MAML3: variants seen among roughly 807,000 people sequenced by gnomAD.
MAML3 encodes the protein mastermind like transcriptional coactivator 3.
A neutral mutation model predicts 101.9 loss-of-function variants in MAML3; 27 were observed. That is an observed-to-expected ratio of 0.27 (90% CI 0.20 to 0.37). The LOEUF (loss-of-function observed/expected upper bound fraction) is 0.37. MAML3 is among the 10% of genes least tolerant of loss of function. The probability of loss-of-function intolerance (pLI) is 1.00; values close to 1 mark genes in which losing one functional copy is unlikely to be tolerated. For synonymous variants in MAML3, 501 were observed against 555.9 expected (o/e 0.90, Z 1.39); for missense variants, 1,316 against 1,444.9 (o/e 0.91, Z 1.45).
Position 140,002,318 on chromosome 4 carries a change from T to C in MAML3, c.469-111351A>G, listed in dbSNP as rs1396177255. Among the ~76,000 whole-genome samples the C allele has an allele frequency of 7.9e-5, 12 of 152,358 alleles. No homozygotes were observed. The East Asian group carries it at 2.3e-3, about 29-fold the overall frequency. On this transcript the variant is annotated intron_variant, in intron 1 of 4. Transcript: ENST00000509479. ...GAGAGATCATGCACATTTGTCTTCC[T>C]GTGCCTGGATTCTTCTTATTTTTTT...
rs71584334 is a variant in MAML3 at position 139,814,025 on chromosome 4, A to AACACAAACAC, written c.2079+75331_2079+75332insGTGTTTGTGT. ...CAGCTAGCTACAGTACACAAACACA[A>AACACAAACAC]ACACACACACACACACACACACACA... On this transcript the variant is annotated intron_variant, in intron 2 of 4. Transcript: ENST00000509479. 5.7e-3 allele frequency among the ~76,000 whole-genome samples: 827 copies of AACACAAACAC among 145,134 alleles called. 6 individuals carry two copies. The highest frequency in any genetic ancestry group is 0.02 in the African/African-American group (783 of 39,106).
chr4:140,003,849 A>G (rs1709381785), intron 1 of MAML3, among the ~76,000 whole-genome samples: 2 of 152,204 alleles, frequency 1.3e-5, no homozygotes. Flanking sequence ...AGTCTGCCCC[A>G]GGTATATGAT....
chr4:139,778,670 G>A (rs1730137288), intron 2 of MAML3, among the ~76,000 whole-genome samples: 1 of 152,152 alleles, frequency 6.6e-6, no homozygotes, highest in African/African-American at 2.4e-5. Context: ...AGGCCCTTGT[G>A]GTTCCACGTT....
intron 2 of MAML3, among the ~76,000 whole-genome samples, chr4:139,865,719 C>T (rs1023835199): frequency 9.9e-5 from 15 of 152,214 alleles, no homozygotes; most frequent in African/African-American, 3.4e-4. Context: ...TCTGCAGTTA[C>T]GCCTTAGACA....
chr4:140,094,711 C>CT (rs952157224), intron 1 of MAML3, among the ~76,000 whole-genome samples: 23 of 152,318 alleles, frequency 1.5e-4, no homozygotes, highest in African/African-American at 5.3e-4. Flanking sequence ...CTTCTGGGCT[C>CT]TTTGTGTTTG....
intron 1 of MAML3, among the ~76,000 whole-genome samples, chr4:140,107,934 A>AAAAAC (rs929074711): frequency 1.1e-4 from 16 of 152,148 alleles, no homozygotes; most frequent in Non-Finnish European, 2.1e-4. Context: ...GGGGGAAGAA[A>AAAAAC]AAAACAAAAC....
intron 1 of MAML3, among the ~76,000 whole-genome samples, chr4:140,030,218 T>C (rs1726886524): frequency 1.3e-5 from 2 of 152,206 alleles, no homozygotes; most frequent in African/African-American, 4.8e-5. Context: ...TCTTCATCTT[T>C]AAATGTCCCA....
At chr4:140,073,845 G>A (rs1471307160) in intron 1 of MAML3, among the ~76,000 whole-genome samples, 1 of 151,914 alleles carries the variant, frequency 6.6e-6, no homozygotes, top group African/African-American at 2.4e-5. Flanking sequence ...TCAGAAAGAG[G>A]ACACGTGGCC....
chr4:139,973,464 AC>A (rs1734265697), intron 1 of MAML3, among the ~76,000 whole-genome samples: 1 of 152,230 alleles, frequency 6.6e-6, no homozygotes, highest in Non-Finnish European at 1.5e-5. Context: ...GGGCGGGTCT[AC>A]GTCGTAAAGG....
At chr4:140,129,781 A>G (rs1294626471) in intron 1 of MAML3, among the ~76,000 whole-genome samples, 4 of 152,138 alleles carry the variant, frequency 2.6e-5, no homozygotes, top group East Asian at 1.9e-4. Flanking sequence ...CCTGGCCAAC[A>G]TGGTGAAACC....
chr4:140,047,568 G>T (rs2110917629), intron 1 of MAML3, among the ~76,000 whole-genome samples: 1 of 152,312 alleles, frequency 6.6e-6, no homozygotes, highest in South Asian at 2.1e-4. Context: ...GCACAAAATA[G>T]AAGAGCGATG....
chr4:140,012,679 C>T (rs560214060), intron 1 of MAML3, among the ~76,000 whole-genome samples: 1 of 152,316 alleles, frequency 6.6e-6, no homozygotes, highest in East Asian at 1.9e-4. Context: ...TACCTTTTTA[C>T]CCAGCCAGTC....
chr4:139,885,104 A>C (rs1352167738), intron 2 of MAML3, among the ~76,000 whole-genome samples: 21 of 152,202 alleles, frequency 1.4e-4, no homozygotes, highest in Admixed American at 1.3e-3. Flanking sequence ...ATCACATAGA[A>C]ATAATAAATA....
chr4:140,026,275 G>C (rs1387821965), intron 1 of MAML3, among the ~76,000 whole-genome samples: 1 of 151,932 alleles, frequency 6.6e-6, no homozygotes, highest in Non-Finnish European at 1.5e-5. Context: ...ATATTTTTGA[G>C]ACGGAATCTC....
intron 2 of MAML3, among the ~76,000 whole-genome samples, chr4:139,747,448 C>G (rs1434492550): frequency 6.6e-6 from 1 of 152,200 alleles, no homozygotes; most frequent in Admixed American, 6.5e-5. Flanking sequence ...AATCCCAGCA[C>G]TTTGGGAGGC....
chr4:139,807,578 T>C (rs577043326), intron 2 of MAML3, among the ~76,000 whole-genome samples: 10 of 152,218 alleles, frequency 6.6e-5, no homozygotes, highest in East Asian at 3.9e-4. Context: ...TCAGACTCCA[T>C]AGGATACCTC....
intron 2 of MAML3, among the ~76,000 whole-genome samples, chr4:139,867,242 T>C (rs905753020): frequency 1.3e-5 from 2 of 152,196 alleles, no homozygotes; most frequent in African/African-American, 4.8e-5. Context: ...CAGGAATCAT[T>C]GAATCCCCTG....
rs185577884 is a variant in MAML3, at chr4:139,980,460, C to T, written c.469-89493G>A. Among the ~76,000 whole-genome samples, 27 of 152,298 alleles carry T rather than the reference C, an allele frequency of 1.8e-4. No individual in the cohort carries two copies. In the East Asian group the frequency reaches 5.2e-3, roughly 29 times the overall value. Reference sequence around the variant, plus strand: ...CCCTAGCCTCCATTCCTGGTTTAGACCCAGGCTGATTTACTTCTCTACATG... The same window carrying T: ...CCCTAGCCTCCATTCCTGGTTTAGATCCAGGCTGATTTACTTCTCTACATG... On this transcript the variant is annotated intron_variant, in intron 1 of 4. Coordinates refer to ENST00000509479, the MANE Select transcript of MAML3 (RefSeq NM_018717.5).
intron 1 of MAML3, among the ~76,000 whole-genome samples, chr4:140,041,386 G>A (rs1157958441): frequency 6.6e-6 from 1 of 152,186 alleles, no homozygotes; most frequent in African/African-American, 2.4e-5. Context: ...CAGTTTGAGA[G>A]GCAGCGGTGG....
Sources: gnomAD v4.1 joint callset for allele counts (sites outside exome capture counted in the v4.1 genomes callset) on GRCh38, gnomAD v4.1.1 for gene constraint, MANE v1.5 for transcripts, NCBI Gene and HGNC (gene_info 2026-07-23, HGNC 2026-07-21) for gene names.